The following GNAI3 variants were observed in gnomAD, a reference collection of about 807,000 sequenced individuals.
GNAI3 encodes the protein G protein subunit alpha i3, also known as guanine nucleotide-binding protein G(i) subunit alpha-3.
A neutral mutation model predicts 41.8 loss-of-function variants in GNAI3; 12 were observed. That is an observed-to-expected ratio of 0.29 (90% CI 0.18 to 0.47). The LOEUF (loss-of-function observed/expected upper bound fraction) is 0.47. Ranked by LOEUF, GNAI3 falls within the 20% of genes least tolerant of loss-of-function variation. The pLI is 1.00. For synonymous variants in GNAI3, 132 were observed against 146.5 expected, an observed-to-expected ratio of 0.90 and a Z score of 0.71; for missense variants, 360 against 429.6, an observed-to-expected ratio of 0.84 and a Z score of 1.43.
intron 5 of GNAI3, among the ~76,000 whole-genome samples, chr1:109,582,806 GCCTCC>G (rs1462350085): frequency 6.6e-6 from 1 of 152,032 alleles, no homozygotes; most frequent in Non-Finnish European, 1.5e-5. Flanking sequence ...AATTTAACTT[GCCTCC>G]CAGTAAAATT....
chr1:109,550,063 C>T (rs1262585613), intron 1 of GNAI3, among the ~76,000 whole-genome samples: 1 of 152,086 alleles, frequency 6.6e-6, no homozygotes, highest in Non-Finnish European at 1.5e-5. Flanking sequence ...GAAACCCTTA[C>T]AAGCAATAGA....
intron 6 of GNAI3, 132 bp downstream of exon 6, chr1:109,586,477 C>A: frequency 2.2e-6 from 2 of 907,854 alleles, no homozygotes; most frequent in Non-Finnish European, 3.3e-6. Flanking sequence ...TTGATCTGTG[C>A]CCTATTACTC....
intron 5 of GNAI3, among the ~76,000 whole-genome samples, chr1:109,583,228 GAGACAGGGTCGTACTCTGTCGT>G (rs946782005): frequency 1.3e-5 from 2 of 151,974 alleles, no homozygotes; most frequent in Non-Finnish European, 2.9e-5. Context: ...TATTTTTTTA[GAGACAGGGTCGTACTCTGTCGT>G]CCAAGCTAGA....
chr1:109,553,800 C>T (rs1209656868), intron 1 of GNAI3, among the ~76,000 whole-genome samples: 1 of 151,996 alleles, frequency 6.6e-6, no homozygotes, highest in Non-Finnish European at 1.5e-5. Flanking sequence ...TTTGGTGCAC[C>T]CATCACCTGA....
chr1:109,548,791 G>T lies in GNAI3; in HGVS notation c.71G>T (p.Arg24Leu). 6.2e-7 allele frequency: 1 copy of T among 1,612,858 alleles called. No homozygotes were observed. Among genetic ancestry groups the T allele is most frequent in the South Asian group, 1.1e-5 (1 of 90,750 alleles). Residue 24 changes from arginine (R) to leucine (L), a missense_variant, in exon 1 of 9, where the codon CGG becomes CTG. Arg to Leu is a moderately radical substitution (Grantham distance 102, BLOSUM62 -2). Coordinates refer to ENST00000369851, the MANE Select transcript of GNAI3 (RefSeq NM_006496.4). ...ERSKMIDRNL[R>L]EDGEKAAKEV... Reference sequence around the variant, plus strand: ...AGCAAGATGATCGACCGCAACTTACGGGAGGACGGGGAAAAAGCGGCCAAA... The same window carrying T: ...AGCAAGATGATCGACCGCAACTTACTGGAGGACGGGGAAAAAGCGGCCAAA...
At chr1:109,579,497 A>G (rs1571158956) in intron 4 of GNAI3, 136 bp downstream of exon 4, 1 of 554,090 alleles carries the variant, frequency 1.8e-6, no homozygotes, top group East Asian at 3.2e-5. Context: ...AAAATTGTCT[A>G]AGTTTAGGAT....
chr1:109,561,264 A>G (rs1227981328), intron 1 of GNAI3, among the ~76,000 whole-genome samples: 3 of 152,154 alleles, frequency 2.0e-5, no homozygotes, highest in Admixed American at 1.3e-4. Flanking sequence ...AGACTACTCA[A>G]TGTTTAAAAA....
rs1649281307 is a variant in GNAI3 at position 109,595,538 on chromosome 1, C to T, written c.*3216C>T. 6.6e-6 allele frequency: 1 copy of T among 152,022 alleles called. No individual in the cohort carries two copies. The highest frequency in any genetic ancestry group is 2.4e-5 in the African/African-American group (1 of 41,358). 9.4% of individuals were successfully genotyped at this position (152,022 alleles called of 1,614,324 possible). On this transcript the variant is annotated 3_prime_UTR_variant, in exon 9 of 9. Transcript: ENST00000369851. Reference sequence around the variant, plus strand: ...ATATATATTCTATTTGTTGTATATACACATTAGACTATTTTAAAATAACAG... The same window carrying T: ...ATATATATTCTATTTGTTGTATATATACATTAGACTATTTTAAAATAACAG...
chr1:109,569,849 T>A (rs990181025), intron 1 of GNAI3, among the ~76,000 whole-genome samples: 4 of 151,930 alleles, frequency 2.6e-5, no homozygotes, highest in African/African-American at 9.7e-5. Context: ...AGGGTAGGAT[T>A]AATGAGATAG....
chr1:109,561,354 G>C (rs962180604), intron 1 of GNAI3, among the ~76,000 whole-genome samples: 9 of 152,118 alleles, frequency 5.9e-5, no homozygotes, highest in Non-Finnish European at 8.8e-5. Flanking sequence ...CTTTACACCT[G>C]TTTTTCCTTA....
At chr1:109,562,532 C>G (rs566210194) in intron 1 of GNAI3, among the ~76,000 whole-genome samples, 1 of 152,204 alleles carries the variant, frequency 6.6e-6, no homozygotes, top group East Asian at 1.9e-4. Flanking sequence ...CTAATTCATG[C>G]TGTAACAAAA....
intron 6 of GNAI3, among the ~76,000 whole-genome samples, 183 bp downstream of exon 6, chr1:109,586,528 T>C (rs1649036302): frequency 6.6e-6 from 1 of 152,226 alleles, no homozygotes; most frequent in Non-Finnish European, 1.5e-5. Context: ...GTGGAAAGGA[T>C]GTTAGCCAGC....
intron 1 of GNAI3, among the ~76,000 whole-genome samples, chr1:109,564,242 C>T (rs1289480058): frequency 1.3e-5 from 2 of 152,062 alleles, no homozygotes; most frequent in African/African-American, 2.4e-5. Context: ...CTGCCTCTTG[C>T]TGGCTTCACT....
At chr1:109,573,680 A>G (rs1648664265) in intron 1 of GNAI3, 57 bp from the exon 2 acceptor site, 2 of 1,367,394 alleles carry the variant, frequency 1.5e-6, no homozygotes, top group Non-Finnish European at 2.1e-6. Flanking sequence ...TCATGTTGAT[A>G]TTATACTTTT....
chr1:109,583,510 C>T lies in GNAI3; in HGVS notation c.590+945C>T, dbSNP rs142432811. ...GATTGCAGGTGTGAGCCACCGTGCC[C>T]AGCCCAACTGTGATTGTTTTAGAGA... On this transcript the variant is annotated intron_variant, in intron 5 of 8. Transcript: ENST00000369851. 9.5e-3 allele frequency among the ~76,000 whole-genome samples: 1,439 copies of T among 152,262 alleles called. 23 individuals carry two copies. The highest frequency in any genetic ancestry group is 0.033 in the African/African-American group (1,372 of 41,538).
At chr1:109,587,192 A>C (rs1363601273) in intron 7 of GNAI3, among the ~76,000 whole-genome samples, 1 of 152,188 alleles carries the variant, frequency 6.6e-6, no homozygotes, top group African/African-American at 2.4e-5. Flanking sequence ...TTGAGGCAGG[A>C]GGATCATTTG....
chr1:109,585,847 A>T (rs1191540594), intron 5 of GNAI3, among the ~76,000 whole-genome samples: 1 of 152,180 alleles, frequency 6.6e-6, no homozygotes, highest in Non-Finnish European at 1.5e-5. Context: ...CTCAATAAAT[A>T]TACCATTATT....
intron 1 of GNAI3, among the ~76,000 whole-genome samples, chr1:109,570,475 G>A (rs1007342282): frequency 1.3e-5 from 2 of 152,168 alleles, no homozygotes; most frequent in Admixed American, 1.3e-4. Context: ...TAAGAAATGA[G>A]CTAATCTGTC....
intron 1 of GNAI3, among the ~76,000 whole-genome samples, chr1:109,565,972 G>A (rs951761021): frequency 6.6e-6 from 1 of 152,222 alleles, no homozygotes; most frequent in African/African-American, 2.4e-5. Flanking sequence ...GAAGCAAGGA[G>A]ATTAGGAGCT....
Sources: gnomAD v4.1 joint callset for allele counts (sites outside exome capture counted in the v4.1 genomes callset) on GRCh38, gnomAD v4.1.1 for gene constraint, MANE v1.5 for transcripts, NCBI Gene and HGNC (gene_info 2026-07-23, HGNC 2026-07-21) for gene names.